LHFPL6: variants seen among roughly 807,000 people sequenced by gnomAD.
LHFPL6 encodes LHFPL tetraspan subfamily member 6.
A neutral mutation model predicts 20.6 loss-of-function variants in LHFPL6; 9 were observed. The observed-to-expected ratio is 0.44, with a 90% CI of 0.26 to 0.76. LHFPL6 has a LOEUF of 0.76. Ranked by LOEUF, LHFPL6 falls within the 30% of genes least tolerant of loss-of-function variation. The pLI, the probability that LHFPL6 is intolerant of heterozygous loss-of-function variation, is 0.20. For missense variants in LHFPL6, 218 were observed against 253.5 expected, an observed-to-expected ratio of 0.86 and a Z score of 0.95; for synonymous variants, 105 against 98.7, an observed-to-expected ratio of 1.06 and a Z score of -0.38.
At chr13:39,583,797 CA>C (rs1384447324) in intron 2 of LHFPL6, among the ~76,000 whole-genome samples, 2 of 152,178 alleles carry the variant, frequency 1.3e-5, no homozygotes, top group Non-Finnish European at 2.9e-5. Flanking sequence ...ATATCCTGAA[CA>C]AATCCTCAAT....
chr13:39,389,072 A>G (rs144284335), intron 2 of LHFPL6, among the ~76,000 whole-genome samples: 3 of 152,346 alleles, frequency 2.0e-5, no homozygotes, highest in African/African-American at 7.2e-5. Flanking sequence ...CTCCTGCAAT[A>G]CACTATCTCC....
At chr13:39,394,225 C>A (rs1230885185) in intron 2 of LHFPL6, among the ~76,000 whole-genome samples, 1 of 152,184 alleles carries the variant, frequency 6.6e-6, no homozygotes, top group African/African-American at 2.4e-5. Flanking sequence ...CAGGTGTGAA[C>A]CACTGCACCG....
Position 39,382,099 on chromosome 13 carries a change from A to G in LHFPL6, c.386-3573T>C, listed in dbSNP as rs183758196. On this transcript the variant is annotated intron_variant, in intron 2 of 3. Transcript: ENST00000379589. ...TCATCCTCAAGGACTTACGTATGGA[A>G]GTATGGAGGTTTTCTCAGGCCACAT... Among the ~76,000 whole-genome samples, 5 of 152,310 alleles carry G rather than the reference A, an allele frequency of 3.3e-5. No homozygotes were observed. The East Asian group carries it at 9.7e-4, about 29-fold the overall frequency.
chr13:39,519,428 G>A (rs528917313), intron 2 of LHFPL6, among the ~76,000 whole-genome samples: 72 of 152,188 alleles, frequency 4.7e-4, no homozygotes, highest in African/African-American at 1.7e-3. Context: ...ATGCTGACCA[G>A]GTCAGCATTA....
At chr13:39,515,532 G>C (rs941880802) in intron 2 of LHFPL6, among the ~76,000 whole-genome samples, 1 of 152,146 alleles carries the variant, frequency 6.6e-6, no homozygotes, top group Non-Finnish European at 1.5e-5. Flanking sequence ...CCTTCCTGGG[G>C]ATTTCTCTTC....
At chr13:39,545,041 G>A (rs915569796) in intron 2 of LHFPL6, among the ~76,000 whole-genome samples, 7 of 151,764 alleles carry the variant, frequency 4.6e-5, no homozygotes, top group Non-Finnish European at 8.8e-5. Context: ...AGGAGATCGA[G>A]ACCATCCTGG....
chr13:39,489,161 T>G (rs9566443), intron 2 of LHFPL6, among the ~76,000 whole-genome samples: 33,125 of 152,160 alleles, frequency 0.22, 5,598 homozygotes, highest in East Asian at 0.72. Context: ...TTGTGTTTGA[T>G]GTCCACATCA....
At chr13:39,467,637 T>C (rs1453464141) in intron 2 of LHFPL6, among the ~76,000 whole-genome samples, 3 of 152,236 alleles carry the variant, frequency 2.0e-5, no homozygotes, top group South Asian at 2.1e-4. Context: ...CCCTAAAATT[T>C]CATTAATCAG....
chr13:39,530,277 AG>A (rs1163957594), intron 2 of LHFPL6, among the ~76,000 whole-genome samples: 3 of 151,828 alleles, frequency 2.0e-5, no homozygotes, highest in African/African-American at 7.3e-5. Context: ...AAAAAAAAAA[AG>A]AAAAGAGTAG....
At chr13:39,357,998 G>T (rs1318726285) in intron 3 of LHFPL6, among the ~76,000 whole-genome samples, 1 of 151,980 alleles carries the variant, frequency 6.6e-6, no homozygotes, top group Non-Finnish European at 1.5e-5. Flanking sequence ...ACTGCTCAGA[G>T]CAACCTATCA....
At chr13:39,565,503 C>T (rs1195054313) in intron 2 of LHFPL6, among the ~76,000 whole-genome samples, 1 of 152,100 alleles carries the variant, frequency 6.6e-6, no homozygotes, top group Non-Finnish European at 1.5e-5. Flanking sequence ...CAGCAGAAAA[C>T]AAGCTGCTGA....
intron 2 of LHFPL6, among the ~76,000 whole-genome samples, chr13:39,597,065 A>G (rs1566150950): frequency 6.6e-6 from 1 of 152,232 alleles, no homozygotes; most frequent in Non-Finnish European, 1.5e-5. Context: ...TTAACTGTCT[A>G]TTAGTTGAGA....
intron 2 of LHFPL6, among the ~76,000 whole-genome samples, chr13:39,456,043 G>C (rs1189724695): frequency 1.3e-5 from 2 of 152,184 alleles, no homozygotes; most frequent in East Asian, 3.9e-4. Flanking sequence ...TGGTTAACAA[G>C]GAAATAGAAA....
intron 2 of LHFPL6, among the ~76,000 whole-genome samples, chr13:39,472,495 A>G (rs1383976674): frequency 2.0e-5 from 3 of 152,138 alleles, no homozygotes; most frequent in Non-Finnish European, 4.4e-5. Flanking sequence ...AACAACATAC[A>G]GCTTCTATTT....
At chr13:39,516,998 T>C (rs1015275905) in intron 2 of LHFPL6, among the ~76,000 whole-genome samples, 3 of 152,196 alleles carry the variant, frequency 2.0e-5, no homozygotes, top group African/African-American at 4.8e-5. Context: ...ATGTGCTATA[T>C]AGTTTCAGAA....
At chr13:39,398,527 G>C (rs1036332114) in intron 2 of LHFPL6, among the ~76,000 whole-genome samples, 1 of 152,202 alleles carries the variant, frequency 6.6e-6, no homozygotes, top group Non-Finnish European at 1.5e-5. Flanking sequence ...GCCCAAACTT[G>C]AGGTGACTCT....
intron 2 of LHFPL6, among the ~76,000 whole-genome samples, chr13:39,513,451 T>G (rs1869795465): frequency 6.6e-6 from 1 of 152,232 alleles, no homozygotes; most frequent in South Asian, 2.1e-4. Context: ...TTTGAATTTT[T>G]TTCCCAAAAT....
At chr13:39,489,000 T>C (rs1488551698) in intron 2 of LHFPL6, among the ~76,000 whole-genome samples, 2 of 152,194 alleles carry the variant, frequency 1.3e-5, no homozygotes, top group African/African-American at 4.8e-5. Flanking sequence ...CCTTCATCTG[T>C]TGGCTTTCCC....
chr13:39,592,522 C>T (rs1463925653), intron 2 of LHFPL6, among the ~76,000 whole-genome samples: 1 of 152,196 alleles, frequency 6.6e-6, no homozygotes, highest in South Asian at 2.1e-4. Context: ...GATGGATGCA[C>T]AGCCGAATTC....
Sources: gnomAD v4.1 joint callset for allele counts (sites outside exome capture counted in the v4.1 genomes callset) on GRCh38, gnomAD v4.1.1 for gene constraint, MANE v1.5 for transcripts, NCBI Gene and HGNC (gene_info 2026-07-23, HGNC 2026-07-21) for gene names.